VANGL1: variants seen among roughly 807,000 people sequenced by gnomAD.
VANGL1 encodes the protein vang-like protein 1.
In VANGL1, 18 loss-of-function variants were observed where a neutral mutation model predicts 48.4. The ratio of observed to expected loss-of-function variants is 0.37; its 90% CI spans 0.26 to 0.55. VANGL1 has a LOEUF of 0.55. Among genes scored for constraint, VANGL1 ranks in the 20% least tolerant of loss-of-function variants. The pLI is 0.81. For missense variants in VANGL1, 667 were observed against 675.8 expected (o/e 0.99, Z 0.14); for synonymous variants, 257 against 261.8 (o/e 0.98, Z 0.18).
At position 115,676,489 on chromosome 1, in the gene VANGL1, C is replaced by G. The variant is rs575038053; in HGVS notation, c.813-5875C>G. Among the ~76,000 whole-genome samples, 9 of 152,302 alleles carry G rather than the reference C, an allele frequency of 5.9e-5. No individual in the cohort carries two copies. The South Asian group carries it at 1.9e-3, about 32-fold the overall frequency. On this transcript the variant is annotated intron_variant, in intron 4 of 7. Coordinates refer to ENST00000355485, the MANE Select transcript of VANGL1 (RefSeq NM_138959.3). Reference sequence around the variant, plus strand: ...GCTTCAACATATATGGCCATATAAGCTCGTGGTGGCTATCGTTTATGAATT... The same window carrying G: ...GCTTCAACATATATGGCCATATAAGGTCGTGGTGGCTATCGTTTATGAATT...
chr1:115,642,571 C>G (rs1270584147), intron 1 of VANGL1: 1 of 152,260 alleles, frequency 6.6e-6, no homozygotes, highest in African/African-American at 2.4e-5. Context: ...CGGGGCTCGA[C>G]CCGGGCGCCG....
intron 1 of VANGL1, among the ~76,000 whole-genome samples, chr1:115,643,238 C>T (rs1001474712): frequency 6.6e-6 from 1 of 152,168 alleles, no homozygotes; most frequent in Non-Finnish European, 1.5e-5. Flanking sequence ...ATAAATTTTA[C>T]GGGGCTGCTG....
At chr1:115,685,164 T>C in intron 6 of VANGL1, 129 bp from the exon 7 acceptor site, 6 of 932,194 alleles carry the variant, frequency 6.4e-6, no homozygotes, top group South Asian at 4.3e-5. Flanking sequence ...CAGCTAAGGA[T>C]GCAAGCAGCG....
At chr1:115,688,787 T>A (rs1653729022) in intron 7 of VANGL1, among the ~76,000 whole-genome samples, 1 of 130,940 alleles carries the variant, frequency 7.6e-6, no homozygotes, top group Non-Finnish European at 1.6e-5. Flanking sequence ...TTTATATTTC[T>A]TCTTTTTTTT....
chr1:115,664,013 G>C lies in VANGL1; in HGVS notation c.557G>C (p.Arg186Pro). The C allele has an allele frequency of 6.2e-7, 1 of 1,614,150 alleles. No homozygotes were observed. The highest frequency in any genetic ancestry group is 8.5e-7 in the Non-Finnish European group (1 of 1,180,036). The change falls in exon 4 of 8, where the codon CGT (arginine) becomes CCT (proline). Residue 186 changes from arginine (R) to proline (P), a missense_variant. By Grantham distance (103) the Arg-to-Pro change is moderately radical. Coordinates refer to ENST00000355485, the MANE Select transcript of VANGL1 (RefSeq NM_138959.3). ...RADMPRVFVFRALLLVLIFLF... is the reference protein window; with the variant it reads ...RADMPRVFVFPALLLVLIFLF... Reference sequence around the variant, plus strand: ...GACATGCCACGGGTGTTTGTGTTTCGTGCCCTTTTGTTGGTCCTCATCTTT... The same window carrying C: ...GACATGCCACGGGTGTTTGTGTTTCCTGCCCTTTTGTTGGTCCTCATCTTT...
chr1:115,669,850 T>A (rs910814108), intron 4 of VANGL1, among the ~76,000 whole-genome samples: 1 of 152,156 alleles, frequency 6.6e-6, no homozygotes, highest in Non-Finnish European at 1.5e-5. Flanking sequence ...TTAGAAGAAA[T>A]GATCCTTGGA....
At chr1:115,657,282 C>T (rs1424243037) in intron 2 of VANGL1, among the ~76,000 whole-genome samples, 1 of 152,128 alleles carries the variant, frequency 6.6e-6, no homozygotes, top group African/African-American at 2.4e-5. Flanking sequence ...TGAGAATGAG[C>T]TTTAAGAATA....
intron 1 of VANGL1, among the ~76,000 whole-genome samples, chr1:115,650,321 A>C (rs573462473): frequency 1.8e-4 from 28 of 152,334 alleles, no homozygotes; most frequent in Non-Finnish European, 3.8e-4. Flanking sequence ...AGGGGTGCAG[A>C]AAGAGACAGA....
In VANGL1 at chr1:115,664,097, G is replaced by A. The variant is rs767398438; in HGVS notation, c.641G>A (p.Arg214Gln). The A allele has an allele frequency of 1.1e-5, 18 of 1,614,024 alleles. 1 individual carries two copies. Among genetic ancestry groups the A allele is most frequent in the East Asian group, 6.7e-5 (3 of 44,884 alleles). The change falls in exon 4 of 8, where the codon CGG (arginine) becomes CAG (glutamine). Residue 214 changes from arginine (R) to glutamine (Q), a missense_variant. Transcript: ENST00000355485. ...GTCCGCATTTTGGACTCTCGGGACCGGAATTACCAGGGCATTGTGCAATAT... is the reference window on the plus strand; with the variant it reads ...GTCCGCATTTTGGACTCTCGGGACCAGAATTACCAGGGCATTGTGCAATAT... ...YGVRILDSRD[R>Q]NYQGIVQYAV...
At chr1:115,659,504 T>A in intron 2 of VANGL1, 137 bp from the exon 3 acceptor site, 1 of 1,114,860 alleles carries the variant, frequency 9.0e-7, no homozygotes, top group Non-Finnish European at 1.3e-6. Context: ...GTTTTGATGC[T>A]CTGTGTGTGT....
At chr1:115,646,347 G>A (rs1479703366) in intron 1 of VANGL1, among the ~76,000 whole-genome samples, 1 of 152,086 alleles carries the variant, frequency 6.6e-6, no homozygotes, top group Non-Finnish European at 1.5e-5. Flanking sequence ...GCAGTGCCAA[G>A]CAATACACTC....
In VANGL1 at chr1:115,664,003, T is replaced by G. The variant is rs929589250; in HGVS notation, c.547T>G (p.Phe183Val). The G allele has an allele frequency of 6.2e-7, 1 of 1,614,160 alleles. No individual in the cohort carries two copies. The highest frequency in any genetic ancestry group is 8.5e-7 in the Non-Finnish European group (1 of 1,180,026). ...GCGGAGAGCTGACATGCCACGGGTG[T>G]TTGTGTTTCGTGCCCTTTTGTTGGT... is the stretch of plus-strand genomic sequence containing the variant. ...RKRRADMPRV[F>V]VFRALLLVLI... The change falls in exon 4 of 8, where the codon TTT (phenylalanine) becomes GTT (valine). Residue 183 changes from phenylalanine to valine, a missense_variant. Coordinates refer to ENST00000355485, the MANE Select transcript of VANGL1 (RefSeq NM_138959.3).
chr1:115,652,840 A>T (rs1317525130), intron 2 of VANGL1, among the ~76,000 whole-genome samples: 1 of 152,242 alleles, frequency 6.6e-6, no homozygotes, highest in Non-Finnish European at 1.5e-5. Context: ...AGGAGTGGTC[A>T]TCCATAGGGG....
rs1430976932 is a variant in VANGL1, at chr1:115,691,305, A to G, written c.1501A>G (p.Ile501Val). 6.2e-7 allele frequency: 1 copy of G among 1,614,080 alleles called. No individual in the cohort carries two copies. Among genetic ancestry groups the G allele is most frequent in the Non-Finnish European group, 8.5e-7 (1 of 1,180,030 alleles). ...VVNVKKIPFI[I>V]LSEEFIDPKS... Reference sequence around the variant, plus strand: ...CAATGTGAAGAAAATTCCATTCATCATACTCTCTGAAGAGTTCATAGACCC... The same window carrying G: ...CAATGTGAAGAAAATTCCATTCATCGTACTCTCTGAAGAGTTCATAGACCC... Residue 501 changes from isoleucine (I) to valine (V), a missense_variant, in exon 8 of 8, where the codon ATA becomes GTA. Ile to Val is a conservative substitution (Grantham distance 29). Coordinates refer to ENST00000355485, the MANE Select transcript of VANGL1 (RefSeq NM_138959.3).
At position 115,695,404 on chromosome 1, in the gene VANGL1, T is replaced by G. The variant is rs1313067034; in HGVS notation, c.*4025T>G. The G allele has an allele frequency of 6.6e-6, 1 of 152,644 alleles. No homozygotes were observed. 9.5% of individuals were successfully genotyped at this position (152,644 alleles called of 1,614,324 possible). A position where few individuals can be genotyped will look rare whatever the true frequency, so the allele number is the denominator to read the frequency against. ...TACTGAAAAACAAAAAAATCACTAC[T>G]GTGAATTTACTACTATGTAACCTTG... is the stretch of plus-strand genomic sequence containing the variant. On this transcript the variant is annotated 3_prime_UTR_variant, in exon 8 of 8. Coordinates refer to ENST00000355485, the MANE Select transcript of VANGL1 (RefSeq NM_138959.3).
chr1:115,667,210 T>A (rs755799884), intron 4 of VANGL1, among the ~76,000 whole-genome samples: 1 of 152,214 alleles, frequency 6.6e-6, no homozygotes, highest in Non-Finnish European at 1.5e-5. Context: ...CAAAGATGAT[T>A]TTATCGAATT....
At chr1:115,676,332 A>C (rs1016738339) in intron 4 of VANGL1, among the ~76,000 whole-genome samples, 3 of 152,110 alleles carry the variant, frequency 2.0e-5, no homozygotes, top group African/African-American at 7.2e-5. Flanking sequence ...AAAGAGTAGC[A>C]TAACTTTGTG....
At position 115,693,866 on chromosome 1, in the gene VANGL1, C is replaced by T. The variant is rs1343854634; in HGVS notation, c.*2487C>T. On this transcript the variant is annotated 3_prime_UTR_variant, in exon 8 of 8. Coordinates refer to ENST00000355485, the MANE Select transcript of VANGL1 (RefSeq NM_138959.3). Reference sequence around the variant, plus strand: ...ATTCTTTTTAAAAGGGGGTAAACTTCGCCCTAAGGCTGGTAGAATGTATGT... The same window carrying T: ...ATTCTTTTTAAAAGGGGGTAAACTTTGCCCTAAGGCTGGTAGAATGTATGT... 2.6e-5 allele frequency: 4 copies of T among 152,272 alleles called. No homozygotes were observed. Among genetic ancestry groups the T allele is most frequent in the African/African-American group, 7.2e-5 (3 of 41,548 alleles). 9.4% of individuals were successfully genotyped at this position (152,272 alleles called of 1,614,324 possible). A position where few individuals can be genotyped will look rare whatever the true frequency, so the allele number is the denominator to read the frequency against.
rs559661997 is a variant in VANGL1 at position 115,678,713 on chromosome 1, T to A, written c.813-3651T>A. ...GCTCACACCTGTAGTTCCAGAACTT[T>A]GGGAGGCCAAGGTAGGCGGATCACT... On this transcript the variant is annotated intron_variant, in intron 4 of 7. Coordinates refer to ENST00000355485, the MANE Select transcript of VANGL1 (RefSeq NM_138959.3). 2.0e-5 allele frequency among the ~76,000 whole-genome samples: 3 copies of A among 152,286 alleles called. No homozygotes were observed. In the South Asian group the frequency reaches 6.2e-4, roughly 32 times the overall value.
Sources: gnomAD v4.1 joint callset for allele counts (sites outside exome capture counted in the v4.1 genomes callset) on GRCh38, gnomAD v4.1.1 for gene constraint, MANE v1.5 for transcripts, NCBI Gene and HGNC (gene_info 2026-07-23, HGNC 2026-07-21) for gene names.